ATL1: variants seen among roughly 807,000 people sequenced by gnomAD.
ATL1 encodes atlastin-1.
ATL1 carries 31 observed loss-of-function variants against 75.5 expected under a neutral mutation model. That is an observed-to-expected ratio of 0.41 (90% confidence interval 0.31 to 0.55). The LOEUF (loss-of-function observed/expected upper bound fraction) is 0.55. Among genes scored for constraint, ATL1 ranks in the 20% least tolerant of loss-of-function variants. ATL1 has a pLI of 0.27. For missense variants in ATL1, 405 were observed against 662.6 expected (o/e 0.61, Z 4.27); for synonymous variants, 226 against 233.3 (o/e 0.97, Z 0.28).
intron 1 of ATL1, among the ~76,000 whole-genome samples, chr14:50,553,570 C>G (rs1191763414): frequency 2.6e-5 from 4 of 152,124 alleles, no homozygotes; most frequent in Non-Finnish European, 4.4e-5. Flanking sequence ...AAAAGTGGAA[C>G]TACCATTTGA....
intron 7 of ATL1, 22 bp downstream of exon 7, chr14:50,613,373 A>G (rs1426122903): frequency 6.4e-7 from 1 of 1,559,502 alleles, no homozygotes; most frequent in South Asian, 1.1e-5. Flanking sequence ...ATTTAGGTGC[A>G]TGAAATTTCA....
At chr14:50,626,674 T>A (rs1230545254) in intron 11 of ATL1, among the ~76,000 whole-genome samples, 4 of 152,228 alleles carry the variant, frequency 2.6e-5, no homozygotes, top group Non-Finnish European at 5.9e-5. Context: ...ATATGATAAA[T>A]TGATACATCC....
Position 50,628,334 on chromosome 14 carries a change from A to G in ATL1, c.1423A>G (p.Ser475Gly), listed in dbSNP as rs761548066. 6.2e-7 allele frequency: 1 copy of G among 1,614,174 alleles called. No homozygotes were observed. Among genetic ancestry groups the G allele is most frequent in the Non-Finnish European group, 8.5e-7 (1 of 1,180,020 alleles). Residue 475 changes from serine (S) to glycine (G), a missense_variant, in exon 12 of 14, where the codon AGC becomes GGC. Transcript: ENST00000358385. ...TGFIGLDIIA[S>G]LCNMIMGLTL... The stretch of plus-strand genomic sequence containing the variant: ...ATTCATTGGTTTGGACATCATAGCT[A>G]GCCTATGCAATATGATAATGGGACT...
intron 1 of ATL1, among the ~76,000 whole-genome samples, chr14:50,553,645 T>C (rs574461851): frequency 2.0e-5 from 3 of 152,256 alleles, no homozygotes; most frequent in Admixed American, 6.5e-5. Context: ...AAAAGATGAA[T>C]GCACACGCAT....
At chr14:50,557,667 T>G (rs572380398), upstream of ATL1, among the ~76,000 whole-genome samples, 1 of 152,220 alleles carries the variant, frequency 6.6e-6, no homozygotes, top group Non-Finnish European at 1.5e-5. Flanking sequence ...ATGTTTATAT[T>G]TTCATACTAT....
At chr14:50,630,814 T>C in intron 13 of ATL1, 1 of 353,590 alleles carries the variant, frequency 2.8e-6, no homozygotes, top group South Asian at 2.2e-5. Context: ...AAAAGCAAAT[T>C]TCAGCTTTGT....
upstream of ATL1, among the ~76,000 whole-genome samples, chr14:50,557,727 C>T (rs537331745): frequency 6.6e-5 from 10 of 152,294 alleles, no homozygotes; most frequent in African/African-American, 2.2e-4. Flanking sequence ...AAGATGCATT[C>T]TAGCAATGTC....
chr14:50,569,603 C>A (rs1426584605), intron 1 of ATL1, among the ~76,000 whole-genome samples: 1 of 152,030 alleles, frequency 6.6e-6, no homozygotes, highest in Non-Finnish European at 1.5e-5. Context: ...ATAATACTAC[C>A]TTTAATGATT....
At chr14:50,629,908 A>C in intron 12 of ATL1, 87 bp from the exon 13 acceptor site, 1 of 1,045,422 alleles carries the variant, frequency 9.6e-7, no homozygotes, top group Non-Finnish European at 1.4e-6. Flanking sequence ...CTCACAAATT[A>C]ATATTGTAAG....
chr14:50,579,664 G>T lies in ATL1; in HGVS notation c.35-8167G>T, dbSNP rs571790309. On this transcript the variant is annotated intron_variant, in intron 1 of 13. Coordinates refer to ENST00000358385, the MANE Select transcript of ATL1 (RefSeq NM_015915.5). ...ACATGTATATCCCTCTTTCAGTAAT[G>T]TTTTATATTTTTCTGCAGAGGTCTT... Among the ~76,000 whole-genome samples the T allele has an allele frequency of 1.4e-3, 219 of 152,232 alleles. 2 individuals carry two copies. Among genetic ancestry groups the T allele is most frequent in the Non-Finnish European group, 1.3e-3 (89 of 67,994 alleles).
In ATL1 at chr14:50,560,816, G is replaced by A. The variant is rs2038833263; in HGVS notation, c.34+517G>A. Among the ~76,000 whole-genome samples, 3 of 152,310 alleles carry A rather than the reference G, an allele frequency of 2.0e-5. No individual in the cohort carries two copies. In the South Asian group the frequency reaches 6.2e-4, roughly 32 times the overall value. On this transcript the variant is annotated intron_variant, in intron 1 of 13. Transcript: ENST00000358385. ...GGGCGGCGCGCTGGAACAATGAGGC[G>A]GAGCGCGCCGGGTCCCGGACGGACG...
upstream of ATL1, among the ~76,000 whole-genome samples, chr14:50,558,037 A>G (rs1466724827): frequency 6.6e-6 from 1 of 152,230 alleles, no homozygotes; most frequent in Admixed American, 6.5e-5. Context: ...CAATTTTTTT[A>G]AAAGCTTCCA....
rs180824155 is a variant in ATL1, at chr14:50,590,320, G to A, written c.283-621G>A. On this transcript the variant is annotated intron_variant, in intron 2 of 13. Transcript: ENST00000358385. ...CTCTGCTTCTTCATAACTTTCCGTC[G>A]CCTGCAGGATAAAATCTGACTCCCT... Among the ~76,000 whole-genome samples the A allele has an allele frequency of 9.9e-5, 15 of 152,060 alleles. No homozygotes were observed. The East Asian group carries it at 2.1e-3, about 22-fold the overall frequency.
rs553783847 is a variant in ATL1, at chr14:50,547,000, C to A, written c.-139-13127C>A. Among the ~76,000 whole-genome samples, 5 of 152,226 alleles carry A rather than the reference C, an allele frequency of 3.3e-5. No individual in the cohort carries two copies. In the East Asian group the frequency reaches 7.7e-4, roughly 24 times the overall value. ...TATCCCTCCCCTAGCCCCCCACCCC[C>A]CAACAGGCCCTGGTGTTTCTCACTC... On this transcript the variant is annotated intron_variant, in intron 1 of 13. Coordinates refer to the ATL1 transcript ENST00000441560.
rs538028048 is a variant in ATL1, at chr14:50,631,278, A to C, written c.1567-951A>C. ...CCAACTCAAAAAGTAAAAAACAAAA[A>C]CAAAAACAAAAAAAAACCAGATCCA... On this transcript the variant is annotated intron_variant, in intron 13 of 13. Coordinates refer to ENST00000358385, the MANE Select transcript of ATL1 (RefSeq NM_015915.5). Among the ~76,000 whole-genome samples, 32 of 152,078 alleles carry C rather than the reference A, an allele frequency of 2.1e-4. No individual in the cohort carries two copies. The East Asian group carries it at 3.1e-3, about 15-fold the overall frequency.
At chr14:50,612,036 C>T (rs777381298) in intron 6 of ATL1, among the ~76,000 whole-genome samples, 6 of 152,098 alleles carry the variant, frequency 3.9e-5, no homozygotes, top group Non-Finnish European at 5.9e-5. Context: ...ATGAATTAAT[C>T]ATTATTCACA....
chr14:50,600,732 A>T (rs1335912425), intron 6 of ATL1, among the ~76,000 whole-genome samples: 1 of 152,144 alleles, frequency 6.6e-6, no homozygotes, highest in Non-Finnish European at 1.5e-5. Context: ...TTTGGGTAAA[A>T]GTGTGGGGAA....
intron 13 of ATL1, among the ~76,000 whole-genome samples, chr14:50,631,517 G>A (rs2039581078): frequency 6.6e-6 from 1 of 152,092 alleles, no homozygotes; most frequent in Non-Finnish European, 1.5e-5. Flanking sequence ...CTAGCTAACG[G>A]GGCCAGGAAA....
chr14:50,622,609 T>A (rs543383136), intron 10 of ATL1, among the ~76,000 whole-genome samples: 18 of 151,512 alleles, frequency 1.2e-4, no homozygotes, highest in African/African-American at 4.4e-4. Context: ...GAGGTTGCAG[T>A]GAGCCGAGAT....
Sources: allele counts gnomAD v4.1 joint callset (sites outside exome capture counted in the v4.1 genomes callset), GRCh38; gene constraint gnomAD v4.1.1; transcripts MANE v1.5; gene names NCBI Gene and HGNC (gene_info 2026-07-23, HGNC 2026-07-21).